The following LRRC28 variants were observed in gnomAD, a reference collection of about 807,000 sequenced individuals.
LRRC28 encodes the protein leucine rich repeat containing 28.
Under a neutral mutation model 45.7 loss-of-function variants are expected in LRRC28, and 39 were observed. The ratio of observed to expected loss-of-function variants is 0.85; its 90% CI spans 0.66 to 1.12. The LOEUF is 1.12. LRRC28 is among the 50% of genes most tolerant of loss of function. The pLI is 0.00. For missense variants in LRRC28, 435 were observed against 438.5 expected (o/e 0.99, Z 0.07); for synonymous variants, 206 against 178.8 (o/e 1.15, Z -1.22).
At chr15:99,372,345 T>C (rs953013505) in intron 9 of LRRC28, among the ~76,000 whole-genome samples, 1 of 152,186 alleles carries the variant, frequency 6.6e-6, no homozygotes. Context: ...AAGCAACAAA[T>C]GTCATGTCTG....
At chr15:99,280,208 A>T (rs1404783990) in intron 3 of LRRC28, among the ~76,000 whole-genome samples, 1 of 151,512 alleles carries the variant, frequency 6.6e-6, no homozygotes, top group East Asian at 1.9e-4. Context: ...TTTCTGTTCT[A>T]TATGTTGTTT....
At chr15:99,270,643 T>A (rs10152456) in intron 2 of LRRC28, among the ~76,000 whole-genome samples, 62,794 of 152,072 alleles carry the variant, frequency 0.41, 13,180 homozygotes, top group Middle Eastern at 0.6. Context: ...GATTCCATTG[T>A]ATGGCTATAC....
chr15:99,296,254 G>T (rs1019500712), intron 5 of LRRC28, among the ~76,000 whole-genome samples: 11 of 152,216 alleles, frequency 7.2e-5, no homozygotes, highest in Admixed American at 6.5e-4. Flanking sequence ...GGAGTGACAG[G>T]TGGCCCAGGA....
chr15:99,263,264 A>G (rs1464416357), intron 2 of LRRC28, among the ~76,000 whole-genome samples: 1 of 148,996 alleles, frequency 6.7e-6, no homozygotes, highest in Non-Finnish European at 1.5e-5. Flanking sequence ...AGCTGCAGTG[A>G]GCCAACATCA....
chr15:99,340,211 G>GT (rs1956461818), intron 6 of LRRC28, among the ~76,000 whole-genome samples: 1 of 152,202 alleles, frequency 6.6e-6, no homozygotes, highest in South Asian at 2.1e-4. Flanking sequence ...ACTTGTATTT[G>GT]TTTGTAGGAA....
At chr15:99,369,099 C>T (rs1229900242) in intron 9 of LRRC28, among the ~76,000 whole-genome samples, 1 of 152,182 alleles carries the variant, frequency 6.6e-6, no homozygotes, top group Non-Finnish European at 1.5e-5. Context: ...CATTTGCAGT[C>T]TGAGACCTCA....
intron 5 of LRRC28, among the ~76,000 whole-genome samples, chr15:99,289,041 T>G (rs916267335): frequency 6.6e-6 from 1 of 152,220 alleles, no homozygotes; most frequent in Non-Finnish European, 1.5e-5. Context: ...AATTTAAATT[T>G]GAGCCTTAGG....
At position 99,287,296 on chromosome 15, in the gene LRRC28, T is replaced by A; in HGVS notation, c.247+2T>A. ...ATAACATAGTTGTGGTTCCGGAAGG[T>A]ATGTTTAACTTAAAAATTTTAGTTA... On this transcript the variant is annotated splice_donor_variant, in intron 4 of 9. Transcript: ENST00000301981. LOFTEE classifies it high-confidence loss of function. The A allele has an allele frequency of 6.4e-7, 1 of 1,553,168 alleles. No homozygotes were observed. The highest frequency in any genetic ancestry group is 8.7e-7 in the Non-Finnish European group (1 of 1,153,038).
intron 6 of LRRC28, among the ~76,000 whole-genome samples, chr15:99,351,629 C>T (rs1231539990): frequency 6.6e-6 from 1 of 152,202 alleles, no homozygotes; most frequent in African/African-American, 2.4e-5. Flanking sequence ...GATCTTCAGA[C>T]TCCTGCCTAG....
At chr15:99,357,926 G>A (rs936666818) in intron 7 of LRRC28, among the ~76,000 whole-genome samples, 2 of 151,682 alleles carry the variant, frequency 1.3e-5, no homozygotes, top group Non-Finnish European at 2.9e-5. Flanking sequence ...GAGGAGTGAG[G>A]GCCCACTGTC....
At chr15:99,347,149 C>T (rs757770162) in intron 6 of LRRC28, among the ~76,000 whole-genome samples, 3 of 151,702 alleles carry the variant, frequency 2.0e-5, no homozygotes, top group Non-Finnish European at 4.4e-5. Context: ...ATTTTCCATC[C>T]TTACCTTCTT....
At chr15:99,258,991 G>A in intron 2 of LRRC28, 1 of 766,488 alleles carries the variant, frequency 1.3e-6, no homozygotes, top group Non-Finnish European at 2.4e-6. Flanking sequence ...TGCTTAAGGT[G>A]ATTAGGAAGA....
rs1393931075 is a variant in LRRC28, at chr15:99,387,268, G to C, written c.*1166G>C. Reference sequence around the variant, plus strand: ...GTAGAGACGGGGTTTCACCGTGTTAGCCGGGATGGTCTCGATCTCCTGACC... The same window carrying C: ...GTAGAGACGGGGTTTCACCGTGTTACCCGGGATGGTCTCGATCTCCTGACC... On this transcript the variant is annotated 3_prime_UTR_variant, in exon 10 of 10. Coordinates refer to ENST00000301981, the MANE Select transcript of LRRC28 (RefSeq NM_144598.5). The C allele has an allele frequency of 2.0e-5, 3 of 151,536 alleles. No homozygotes were observed. Among genetic ancestry groups the C allele is most frequent in the Non-Finnish European group, 2.9e-5 (2 of 67,918 alleles). 9.4% of individuals were successfully genotyped at this position (151,536 alleles called of 1,614,324 possible).
At chr15:99,270,173 A>G (rs928998729) in intron 2 of LRRC28, among the ~76,000 whole-genome samples, 1 of 152,248 alleles carries the variant, frequency 6.6e-6, no homozygotes, top group Non-Finnish European at 1.5e-5. Flanking sequence ...TCAACTAAAA[A>G]GCTTGTTAAG....
intron 2 of LRRC28, chr15:99,258,801 G>T: frequency 1.4e-6 from 1 of 696,970 alleles, no homozygotes; most frequent in East Asian, 2.8e-5. Flanking sequence ...GTTCCACGTG[G>T]CCTATTTGAT....
At chr15:99,361,918 TGTCCTCAAA>T (rs1041415986) in intron 8 of LRRC28, among the ~76,000 whole-genome samples, 6 of 152,154 alleles carry the variant, frequency 3.9e-5, no homozygotes, top group African/African-American at 1.4e-4. Context: ...GGAAAGATCT[TGTCCTCAAA>T]GTTGGATACG....
At chr15:99,309,420 T>C (rs1169100128) in intron 5 of LRRC28, among the ~76,000 whole-genome samples, 2 of 152,166 alleles carry the variant, frequency 1.3e-5, no homozygotes, top group South Asian at 2.1e-4. Context: ...CTTTTTTTTC[T>C]TTTTTTGAGA....
At chr15:99,284,817 C>G (rs1384152191) in intron 3 of LRRC28, 2 of 546,012 alleles carry the variant, frequency 3.7e-6, no homozygotes, top group Non-Finnish European at 7.2e-6. Flanking sequence ...TCCACCACTT[C>G]CAGAATTGCT....
intron 6 of LRRC28, among the ~76,000 whole-genome samples, chr15:99,348,096 G>A (rs902037658): frequency 6.6e-6 from 1 of 152,116 alleles, no homozygotes; most frequent in Non-Finnish European, 1.5e-5. Context: ...TGTCTGTTTA[G>A]ATGCTTTGCC....
Sources: allele counts gnomAD v4.1 joint callset (sites outside exome capture counted in the v4.1 genomes callset), GRCh38; gene constraint gnomAD v4.1.1; transcripts MANE v1.5; gene names NCBI Gene and HGNC (gene_info 2026-07-23, HGNC 2026-07-21).